TET3: variants seen among roughly 807,000 people sequenced by gnomAD.
The protein encoded by TET3 is tet methylcytosine dioxygenase 3.
Under a neutral mutation model 141.4 loss-of-function variants are expected in TET3, and 19 were observed. That is an observed-to-expected ratio of 0.13 (90% CI 0.09 to 0.20). TET3 has a LOEUF of 0.20. Among genes scored for constraint, TET3 ranks in the 10% least tolerant of loss-of-function variants. TET3 has a pLI of 1.00. For missense variants in TET3, 1,874 were observed against 2,356.9 expected (o/e 0.80, Z 4.24); for synonymous variants, 1,043 against 980.9 (o/e 1.06, Z -1.18).
At chr2:74,083,849 T>C (rs1689966120) in intron 6 of TET3, among the ~76,000 whole-genome samples, 1 of 152,198 alleles carries the variant, frequency 6.6e-6, no homozygotes, top group Non-Finnish European at 1.5e-5. Flanking sequence ...GTGCTCTGAA[T>C]GCCTCACACA....
At chr2:74,131,934 GT>G in the TET3 span, among the ~76,000 whole-genome samples, 1 of 151,986 alleles carries the variant, frequency 6.6e-6, no homozygotes, top group East Asian at 1.9e-4. Context: ...GGCCCTATTT[GT>G]TTCCAGATTT....
the TET3 span, chr2:74,134,427 T>C: frequency 9.8e-6 from 3 of 305,568 alleles, no homozygotes; most frequent in African/African-American, 6.5e-5. Context: ...GCACAATGTA[T>C]GAACAGAATA....
intron 7 of TET3, among the ~76,000 whole-genome samples, chr2:74,089,596 C>T (rs889347200): frequency 2.6e-5 from 4 of 152,168 alleles, no homozygotes; most frequent in African/African-American, 7.2e-5. Flanking sequence ...AAAGTATAAA[C>T]GTTAATGGGT....
chr2:74,121,355 T>G, the TET3 span: 17 of 152,316 alleles, frequency 1.1e-4, no homozygotes, highest in African/African-American at 3.8e-4. Flanking sequence ...TGAAGACATA[T>G]GTAGCGATTG....
the TET3 span, among the ~76,000 whole-genome samples, chr2:74,126,555 T>C: frequency 6.9e-6 from 1 of 143,904 alleles, no homozygotes; most frequent in Non-Finnish European, 1.5e-5. Context: ...CAGGCTGGAG[T>C]GCAGTGGTGC....
rs912860965 is a variant in TET3 at position 74,002,224 on chromosome 2, A to G, written c.304-886A>G. 5.3e-5 allele frequency among the ~76,000 whole-genome samples: 8 copies of G among 152,234 alleles called. No homozygotes were observed. In the East Asian group the frequency reaches 1.2e-3, roughly 22 times the overall value. On this transcript the variant is annotated intron_variant, in intron 2 of 11. Coordinates refer to ENST00000409262, the MANE Select transcript of TET3 (RefSeq NM_001287491.2). ...ATCACCTCATTTGCAGAATGGAGTA[A>G]AGGTTCGTGCTGCCTGGGCTTTTTC... is the stretch of plus-strand genomic sequence containing the variant.
chr2:74,104,478 A>G lies in TET3; in HGVS notation c.*2302A>G, dbSNP rs1041135919. On this transcript the variant is annotated 3_prime_UTR_variant, in exon 12 of 12. Coordinates refer to ENST00000409262, the MANE Select transcript of TET3 (RefSeq NM_001287491.2). ...GCTTATCGCATCAGTACTTTTATGC[A>G]GGTCTCATTTGACTCCGTGCTTAGG... 4 of 152,214 alleles carry G rather than the reference A, an allele frequency of 2.6e-5. No individual in the cohort carries two copies. Among genetic ancestry groups the G allele is most frequent in the African/African-American group, 7.2e-5 (3 of 41,460 alleles). The allele number at this position is 152,214 out of a possible 1,614,324, so 9.4% of individuals were successfully genotyped here. A position where few individuals can be genotyped will look rare whatever the true frequency, so the allele number is the denominator to read the frequency against.
intron 4 of TET3, among the ~76,000 whole-genome samples, chr2:74,061,534 A>C (rs1210049548): frequency 5.8e-5 from 7 of 120,588 alleles, no homozygotes; most frequent in Admixed American, 1.6e-4. Flanking sequence ...ACTTCCCAGT[A>C]GGGGCGGCCG....
At chr2:74,083,452 G>A (rs1341703792) in intron 6 of TET3, among the ~76,000 whole-genome samples, 1 of 152,214 alleles carries the variant, frequency 6.6e-6, no homozygotes, top group Non-Finnish European at 1.5e-5. Context: ...GGAGCTGTGG[G>A]AAGACAGGGT....
At chr2:74,070,180 C>T (rs955019289) in intron 4 of TET3, among the ~76,000 whole-genome samples, 9 of 151,842 alleles carry the variant, frequency 5.9e-5, no homozygotes, top group East Asian at 3.9e-4. Context: ...TCCATTTTCA[C>T]GCTGCTGATA....
intron 3 of TET3, among the ~76,000 whole-genome samples, chr2:74,023,072 G>C (rs955938185): frequency 6.6e-6 from 1 of 151,276 alleles, no homozygotes; most frequent in Non-Finnish European, 1.5e-5. Context: ...CACTGCGCAC[G>C]GCCTTATTCT....
chr2:74,022,866 TCC>T (rs1686130375), intron 3 of TET3, among the ~76,000 whole-genome samples: 1 of 152,106 alleles, frequency 6.6e-6, no homozygotes, highest in Non-Finnish European at 1.5e-5. Context: ...AACCTCCACC[TCC>T]CAGTTCAAGC....
intron 2 of TET3, among the ~76,000 whole-genome samples, chr2:74,000,813 G>A (rs1412819160): frequency 6.6e-6 from 1 of 152,162 alleles, no homozygotes; most frequent in Non-Finnish European, 1.5e-5. Context: ...AGATGAGCTT[G>A]TATGGGGAGT....
chr2:74,047,135 G>C lies in TET3; in HGVS notation c.1218G>C (p.Trp406Cys), dbSNP rs1372825060. 6.2e-7 allele frequency: 1 copy of C among 1,613,812 alleles called. No homozygotes were observed. The highest frequency in any genetic ancestry group is 1.1e-5 in the South Asian group (1 of 91,076). ...AGTCTTACCTCCGGGCTCCCTCATG[G>C]CCTGTGGTTCCTCCTGAAGAGCACT... ...SPQSYLRAPS[W>C]PVVPPEEHSS... is the part of the protein sequence containing the mutation. The change falls in exon 4 of 12, where the codon TGG becomes TGC. Residue 406 changes from tryptophan (W) to cysteine (C), a missense_variant. By Grantham distance (215) the Trp-to-Cys change is radical. Transcript: ENST00000409262.
chr2:74,100,422 C>G lies in TET3; in HGVS notation c.3634C>G (p.Gln1212Glu), dbSNP rs781205478. The change falls in exon 12 of 12, where the codon CAA becomes GAA. Residue 1212 changes from glutamine (Q) to glutamate (E), a missense_variant. Transcript: ENST00000409262. ...GTCTCTGAAGGGTGGATTGTCCCAG[C>G]AAGGCCTGAAGCCCTCCCTCAAGGT... The part of the protein sequence containing the change: ...GLSLKGGLSQ[Q>E]GLKPSLKVEP... The G allele has an allele frequency of 1.3e-6, 2 of 1,569,740 alleles. No homozygotes were observed. The highest frequency in any genetic ancestry group is 2.4e-5 in the East Asian group (1 of 42,048).
chr2:74,109,197 G>A (rs921123138), downstream of TET3, among the ~76,000 whole-genome samples: 8 of 152,058 alleles, frequency 5.3e-5, 1 homozygote, highest in African/African-American at 1.9e-4. Flanking sequence ...CCTTCAGCTG[G>A]GGCTGGTTTC....
At chr2:74,080,256 C>T (rs1451381861) in intron 5 of TET3, among the ~76,000 whole-genome samples, 4 of 152,238 alleles carry the variant, frequency 2.6e-5, no homozygotes, top group African/African-American at 9.6e-5. Flanking sequence ...TGCCTTGGAT[C>T]AGAGGGGGCC....
intron 4 of TET3, among the ~76,000 whole-genome samples, chr2:74,063,415 G>A (rs1025466000): frequency 2.0e-5 from 3 of 152,134 alleles, no homozygotes; most frequent in African/African-American, 4.8e-5. Flanking sequence ...TCAATCTTTA[G>A]TCATATCATG....
At chr2:74,066,599 T>A (rs1331587526) in intron 4 of TET3, among the ~76,000 whole-genome samples, 1 of 73,794 alleles carries the variant, frequency 1.4e-5, no homozygotes, top group African/African-American at 6.9e-5. Flanking sequence ...TAAAAGAAAC[T>A]GCTTTTAAGA....
Sources: allele counts gnomAD v4.1 joint callset (sites outside exome capture counted in the v4.1 genomes callset), GRCh38; gene constraint gnomAD v4.1.1; transcripts MANE v1.5; gene names NCBI Gene and HGNC (gene_info 2026-07-23, HGNC 2026-07-21).